The following KLHL29 variants were observed in gnomAD, a reference collection of about 807,000 sequenced individuals.
KLHL29 encodes the protein kelch like family member 29.
Under a neutral mutation model 80.4 loss-of-function variants are expected in KLHL29, and 21 were observed. That is an observed-to-expected ratio of 0.26 (90% confidence interval 0.19 to 0.38). The LOEUF is 0.38. Ranked by LOEUF, KLHL29 falls within the 10% of genes least tolerant of loss-of-function variation. The pLI, the probability that KLHL29 is intolerant of heterozygous loss-of-function variation, is 1.00. For synonymous variants in KLHL29, 511 were observed against 526.8 expected (o/e 0.97, Z 0.41); for missense variants, 867 against 1,223.9 (o/e 0.71, Z 4.35).
intron 2 of KLHL29, among the ~76,000 whole-genome samples, chr2:23,511,876 G>A (rs1173618939): frequency 6.6e-6 from 1 of 152,150 alleles, no homozygotes; most frequent in African/African-American, 2.4e-5. Flanking sequence ...CGTGCTGGTG[G>A]CGAGTTCTGA....
chr2:23,421,977 GTGTGTTCATGTGTT>G (rs986534127), intron 1 of KLHL29, among the ~76,000 whole-genome samples: 2 of 117,956 alleles, frequency 1.7e-5, no homozygotes, highest in African/African-American at 9.2e-5. Flanking sequence ...TATGTTGTGT[GTGTGTTCATGTGTT>G]TGTCTCTGTC....
chr2:23,397,698 G>A (rs1054420380), intron 1 of KLHL29, among the ~76,000 whole-genome samples: 1 of 152,344 alleles, frequency 6.6e-6, no homozygotes, highest in East Asian at 1.9e-4. Context: ...CTGAGCATGC[G>A]GCAGTGAGGA....
chr2:23,467,583 A>G (rs944356069), intron 1 of KLHL29, among the ~76,000 whole-genome samples: 4 of 152,124 alleles, frequency 2.6e-5, no homozygotes, highest in African/African-American at 9.7e-5. Flanking sequence ...TTTTTTACTG[A>G]GTGAGGAAGC....
At position 23,506,770 on chromosome 2, in the gene KLHL29, T is replaced by C. The variant is rs970088548; in HGVS notation, c.-46+31103T>C. Among the ~76,000 whole-genome samples the C allele has an allele frequency of 2.0e-5, 3 of 152,328 alleles. No homozygotes were observed. The East Asian group carries it at 5.8e-4, about 29-fold the overall frequency. ...TCTTCCTTTCCTGGTTCCAGCCATGTAGGGGACACCATCAAAGCTCCCAGG... is the reference window on the plus strand; with the variant it reads ...TCTTCCTTTCCTGGTTCCAGCCATGCAGGGGACACCATCAAAGCTCCCAGG... On this transcript the variant is annotated intron_variant, in intron 2 of 13. Transcript: ENST00000486442.
At position 23,545,623 on chromosome 2, in the gene KLHL29, G is replaced by A. The variant is rs992660760; in HGVS notation, c.-45-16529G>A. Among the ~76,000 whole-genome samples, 28 of 152,224 alleles carry A rather than the reference G, an allele frequency of 1.8e-4. 1 individual carries two copies. On this transcript the variant is annotated intron_variant, in intron 2 of 13. Transcript: ENST00000486442. ...TGGCATCTCCATCTCTGATTTCATAGTGAAATTTGCCAGGCACTTCCTCTA... is the reference window on the plus strand; with the variant it reads ...TGGCATCTCCATCTCTGATTTCATAATGAAATTTGCCAGGCACTTCCTCTA...
In KLHL29 at chr2:23,556,853, C is replaced by G. The variant is rs575463334; in HGVS notation, c.-45-5299C>G. Reference sequence around the variant, plus strand: ...CACCTCAGCGTGGCCTATTTCCACCCGTGAATACAAGATTTTTCTAGCCTC... The same window carrying G: ...CACCTCAGCGTGGCCTATTTCCACCGGTGAATACAAGATTTTTCTAGCCTC... On this transcript the variant is annotated intron_variant, in intron 2 of 13. Coordinates refer to ENST00000486442, the MANE Select transcript of KLHL29 (RefSeq NM_052920.2). Among the ~76,000 whole-genome samples the G allele has an allele frequency of 2.0e-5, 3 of 152,316 alleles. No individual in the cohort carries two copies. In the South Asian group the frequency reaches 6.2e-4, roughly 32 times the overall value.
At chr2:23,418,430 C>T (rs1662668803) in intron 1 of KLHL29, among the ~76,000 whole-genome samples, 1 of 152,162 alleles carries the variant, frequency 6.6e-6, no homozygotes, top group Non-Finnish European at 1.5e-5. Flanking sequence ...ATGTAGGCTC[C>T]ACATAGGCAT....
At chr2:23,446,987 C>T (rs1319817487) in intron 1 of KLHL29, among the ~76,000 whole-genome samples, 1 of 152,202 alleles carries the variant, frequency 6.6e-6, no homozygotes, top group Non-Finnish European at 1.5e-5. Context: ...AACACCTTTT[C>T]TTCCAGGTCA....
At chr2:23,463,060 T>A (rs1158294527) in intron 1 of KLHL29, among the ~76,000 whole-genome samples, 1 of 148,008 alleles carries the variant, frequency 6.8e-6, no homozygotes, top group Non-Finnish European at 1.5e-5. Flanking sequence ...CTGGGCAGCT[T>A]TGCCTCCCAT....
chr2:23,465,483 C>T (rs78847868), intron 1 of KLHL29, among the ~76,000 whole-genome samples: 8,456 of 152,276 alleles, frequency 0.056, 263 homozygotes, highest in Middle Eastern at 0.068. Context: ...ATAAATACCC[C>T]GGCTTCCTCG....
At chr2:23,392,520 C>T (rs1264948090) in intron 1 of KLHL29, among the ~76,000 whole-genome samples, 1 of 152,158 alleles carries the variant, frequency 6.6e-6, no homozygotes, top group Non-Finnish European at 1.5e-5. Flanking sequence ...ATAATAATAG[C>T]TTCCAGTTAT....
chr2:23,627,298 C>T (rs473553), intron 3 of KLHL29, among the ~76,000 whole-genome samples: 35,407 of 152,174 alleles, frequency 0.23, 4,496 homozygotes, highest in Middle Eastern at 0.39. Context: ...AAGGTGGGGC[C>T]AAAGAACACC....
intron 2 of KLHL29, among the ~76,000 whole-genome samples, chr2:23,531,156 C>T (rs564242334): frequency 2.1e-4 from 32 of 152,364 alleles, no homozygotes; most frequent in African/African-American, 5.8e-4. Flanking sequence ...CCTGTCTCCT[C>T]CTCGTCACCT....
chr2:23,659,612 C>T (rs541252206), intron 5 of KLHL29, among the ~76,000 whole-genome samples: 65 of 152,320 alleles, frequency 4.3e-4, no homozygotes, highest in African/African-American at 1.5e-3. Context: ...CCGCTTCCCC[C>T]ACCATTGAAC....
chr2:23,422,228 AGT>A (rs2103402729), intron 1 of KLHL29, among the ~76,000 whole-genome samples: 1 of 127,346 alleles, frequency 7.9e-6, no homozygotes, highest in East Asian at 2.5e-4. Flanking sequence ...CTGTGTGTGT[AGT>A]GTGTTTGTGT....
chr2:23,608,348 T>C (rs963340917), intron 3 of KLHL29, among the ~76,000 whole-genome samples: 3 of 152,240 alleles, frequency 2.0e-5, no homozygotes, highest in Admixed American at 2.0e-4. Flanking sequence ...CTGTGAGGTC[T>C]CTTGCCTGTT....
At chr2:23,479,129 C>G (rs75349115) in intron 2 of KLHL29, among the ~76,000 whole-genome samples, 8,229 of 151,544 alleles carry the variant, frequency 0.054, 254 homozygotes, top group African/African-American at 0.072. Flanking sequence ...CTCTGCTGCC[C>G]CCTTGTCTTC....
At chr2:23,548,100 G>A (rs555351524) in intron 2 of KLHL29, among the ~76,000 whole-genome samples, 41 of 152,300 alleles carry the variant, frequency 2.7e-4, no homozygotes, top group Admixed American at 1.7e-3. Context: ...GGGACACTGA[G>A]ATAAGGAGCA....
At chr2:23,670,550 C>A (rs6753001) in intron 5 of KLHL29, among the ~76,000 whole-genome samples, 115,747 of 152,032 alleles carry the variant, frequency 0.76, 46,555 homozygotes, top group East Asian at 0.99. Context: ...CTAAGGCAGA[C>A]CTGACTCCCT....
Sources: gnomAD v4.1 joint callset for allele counts (sites outside exome capture counted in the v4.1 genomes callset) on GRCh38, gnomAD v4.1.1 for gene constraint, MANE v1.5 for transcripts, NCBI Gene and HGNC (gene_info 2026-07-23, HGNC 2026-07-21) for gene names.